The following CFI variants were observed in gnomAD, a reference collection of about 807,000 sequenced individuals.
CFI encodes the protein complement factor I.
A neutral mutation model predicts 78.8 loss-of-function variants in CFI; 66 were observed. That is an observed-to-expected ratio of 0.84 (90% CI 0.69 to 1.03). The LOEUF is 1.03. CFI is among the 50% of genes least tolerant of loss of function. The pLI is 0.00. For synonymous variants in CFI, 250 were observed against 232.6 expected (o/e 1.07, Z -0.68); for missense variants, 706 against 704.5 (o/e 1.00, Z -0.02).
At chr4:109,739,002 A>C (rs1309930322), downstream of CFI, among the ~76,000 whole-genome samples, 2 of 152,188 alleles carry the variant, frequency 1.3e-5, no homozygotes, top group African/African-American at 4.8e-5. Context: ...CTGCAGATGG[A>C]TGGTGATAAT....
intron 1 of CFI, among the ~76,000 whole-genome samples, chr4:109,797,375 T>C (rs561675544): frequency 1.6e-4 from 25 of 152,244 alleles, no homozygotes; most frequent in Middle Eastern, 3.4e-3. Context: ...GAAATCCACA[T>C]GCAAAAACTG....
At chr4:109,784,667 C>G (rs945492429) in intron 1 of CFI, among the ~76,000 whole-genome samples, 1 of 152,046 alleles carries the variant, frequency 6.6e-6, no homozygotes, top group African/African-American at 2.4e-5. Context: ...TAATGAAAAG[C>G]TAATCAGATA....
chr4:109,766,620 G>T lies in CFI; in HGVS notation c.262C>A (p.Gln88Lys). 6.2e-7 allele frequency: 1 copy of T among 1,614,138 alleles called. No homozygotes were observed. Among genetic ancestry groups the T allele is most frequent in the Non-Finnish European group, 8.5e-7 (1 of 1,180,004 alleles). Residue 88 changes from glutamine (Q) to lysine (K), a missense_variant, in exon 2 of 13, where the codon CAA becomes AAA. Gln to Lys is a moderately conservative substitution (Grantham distance 53, BLOSUM62 1). Transcript: ENST00000394634. ...NRRSFPTYCQ[Q>K]KSLECLHPGT... ...GGATGAAGACATTCCAAACTCTTTTGTTGACAGTATGTTGGGAAGCTTCTC... is the reference window on the plus strand; with the variant it reads ...GGATGAAGACATTCCAAACTCTTTTTTTGACAGTATGTTGGGAAGCTTCTC...
At chr4:109,737,737 T>C (rs1486294412), downstream of CFI, among the ~76,000 whole-genome samples, 1 of 152,226 alleles carries the variant, frequency 6.6e-6, no homozygotes, top group Non-Finnish European at 1.5e-5. Context: ...TCCAGATGTG[T>C]AGACTCCAAT....
intron 4 of CFI, among the ~76,000 whole-genome samples, chr4:109,761,215 T>C (rs1039209193): frequency 3.3e-5 from 5 of 152,236 alleles, no homozygotes; most frequent in Admixed American, 2.6e-4. Context: ...CTGAGCTTTC[T>C]TCTTATGTTT....
At chr4:109,742,401 C>T (rs1224621307) in intron 12 of CFI, 90 bp downstream of exon 12, 5 of 883,518 alleles carry the variant, frequency 5.7e-6, no homozygotes, top group Non-Finnish European at 9.5e-6. Context: ...AATTAGGGCC[C>T]AAAGCATGGG....
intron 4 of CFI, 143 bp downstream of exon 4, chr4:109,761,374 A>G: frequency 1.2e-6 from 1 of 821,924 alleles, no homozygotes; most frequent in Non-Finnish European, 2.0e-6. Flanking sequence ...ACCAATTTAG[A>G]CTCTAAAGCC....
chr4:109,794,686 AG>A (rs1047274818), intron 1 of CFI, among the ~76,000 whole-genome samples: 1 of 152,212 alleles, frequency 6.6e-6, no homozygotes, highest in South Asian at 2.1e-4. Context: ...CCAGCTATTC[AG>A]GGGGCTAAGG....
intron 6 of CFI, among the ~76,000 whole-genome samples, chr4:109,758,814 C>A (rs571763759): frequency 6.6e-6 from 1 of 152,278 alleles, no homozygotes; most frequent in Admixed American, 6.5e-5. Context: ...TGCCTAAGGC[C>A]GGGCACAGTG....
chr4:109,774,221 G>A (rs1265981754), intron 1 of CFI, among the ~76,000 whole-genome samples: 1 of 152,190 alleles, frequency 6.6e-6, no homozygotes. Context: ...TTACATTCTA[G>A]TAGGCAAGAC....
At chr4:109,765,273 G>T (rs370379462) in intron 2 of CFI, among the ~76,000 whole-genome samples, 46 of 152,152 alleles carry the variant, frequency 3.0e-4, no homozygotes, top group African/African-American at 8.4e-4. Context: ...AAACATACAG[G>T]CTGCTGTGAG....
At chr4:109,750,768 C>T (rs146742578) in intron 8 of CFI, among the ~76,000 whole-genome samples, 43 of 152,064 alleles carry the variant, frequency 2.8e-4, no homozygotes, top group African/African-American at 9.2e-4. Flanking sequence ...TTGGGCATAC[C>T]GAAAGGAGTT....
chr4:109,735,191 G>T, the CFI span, among the ~76,000 whole-genome samples: 2 of 152,294 alleles, frequency 1.3e-5, no homozygotes, highest in South Asian at 2.1e-4. Context: ...TTGGGCTCAA[G>T]TGATCCTCCT....
chr4:109,800,338 T>G (rs1361638159), intron 1 of CFI, among the ~76,000 whole-genome samples: 32 of 138,504 alleles, frequency 2.3e-4, no homozygotes, highest in Non-Finnish European at 4.0e-4. Context: ...TTTTTTTTTT[T>G]TTTTTTTTTT....
chr4:109,741,125 T>C lies in CFI; in HGVS notation c.1535-15A>G, dbSNP rs746304850. 2.5e-6 allele frequency: 4 copies of C among 1,613,912 alleles called. No homozygotes were observed. Among genetic ancestry groups the C allele is most frequent in the Non-Finnish European group, 3.4e-6 (4 of 1,179,916 alleles). On this transcript the variant is annotated splice_polypyrimidine_tract_variant and intron_variant, in intron 12 of 12. Coordinates refer to ENST00000394634, the MANE Select transcript of CFI (RefSeq NM_000204.5). Reference sequence around the variant, plus strand: ...ATCATATGTACCTAAGAAAGAAATGTGAAAGAGAAAATCACACATTTCCTT... The same window carrying C: ...ATCATATGTACCTAAGAAAGAAATGCGAAAGAGAAAATCACACATTTCCTT...
intron 10 of CFI, among the ~76,000 whole-genome samples, chr4:109,747,631 T>C (rs934006036): frequency 1.3e-5 from 2 of 152,184 alleles, no homozygotes; most frequent in African/African-American, 4.8e-5. Flanking sequence ...AATAAATTAT[T>C]TTACAGAATG....
rs569425334 is a variant in CFI at position 109,792,514 on chromosome 4, G to A, written c.57+9401C>T. ...TCACTTGAATCAGCTGCAGTGAGCC[G>A]ATATCATGCCACTGCATTCCAGCCT... On this transcript the variant is annotated intron_variant, in intron 1 of 12. Coordinates refer to ENST00000394634, the MANE Select transcript of CFI (RefSeq NM_000204.5). Among the ~76,000 whole-genome samples, 9 of 152,072 alleles carry A rather than the reference G, an allele frequency of 5.9e-5. 1 individual carries two copies. The South Asian group carries it at 1.0e-3, about 18-fold the overall frequency.
At chr4:109,763,780 A>G (rs1426580453) in intron 3 of CFI, among the ~76,000 whole-genome samples, 1 of 151,892 alleles carries the variant, frequency 6.6e-6, no homozygotes, top group Non-Finnish European at 1.5e-5. Context: ...AATTGTTATC[A>G]TACAGGGATA....
intron 6 of CFI, among the ~76,000 whole-genome samples, chr4:109,758,819 A>G (rs1579211059): frequency 6.6e-6 from 1 of 152,210 alleles, no homozygotes; most frequent in Non-Finnish European, 1.5e-5. Context: ...AAGGCCGGGC[A>G]CAGTGGCTCA....
Sources: gnomAD v4.1 joint callset for allele counts (sites outside exome capture counted in the v4.1 genomes callset) on GRCh38, gnomAD v4.1.1 for gene constraint, MANE v1.5 for transcripts, NCBI Gene and HGNC (gene_info 2026-07-23, HGNC 2026-07-21) for gene names.